The following BBS9 variants were observed in gnomAD, a reference collection of about 807,000 sequenced individuals.
BBS9 encodes protein PTHB1.
BBS9 carries 89 observed loss-of-function variants against 117.7 expected under a neutral mutation model. The ratio of observed to expected loss-of-function variants is 0.76; its 90% CI spans 0.64 to 0.90. The LOEUF (loss-of-function observed/expected upper bound fraction) is 0.90, where lower values mean the gene tolerates loss of function less well. Among genes scored for constraint, BBS9 ranks in the 40% least tolerant of loss-of-function variants. The pLI is 0.00. For synonymous variants in BBS9, 379 were observed against 370.9 expected (o/e 1.02, Z -0.25); for missense variants, 982 against 1,042.2 (o/e 0.94, Z 0.80).
intron 21 of BBS9, among the ~76,000 whole-genome samples, chr7:33,553,675 A>G (rs1181125083): frequency 6.6e-6 from 1 of 152,190 alleles, no homozygotes; most frequent in Non-Finnish European, 1.5e-5. Context: ...AGAGAACAGT[A>G]TTAGGAGCAT....
chr7:33,353,274 A>G (rs1819008378), intron 15 of BBS9, among the ~76,000 whole-genome samples: 2 of 152,172 alleles, frequency 1.3e-5, no homozygotes, highest in African/African-American at 4.8e-5. Flanking sequence ...ACATCCTCCA[A>G]GAGATTCACC....
chr7:33,242,645 T>G (rs1304023959), intron 5 of BBS9, among the ~76,000 whole-genome samples: 1 of 152,156 alleles, frequency 6.6e-6, no homozygotes, highest in Admixed American at 6.5e-5. Context: ...ATTCTCCTCC[T>G]CTACTTGTCC....
intron 1 of BBS9, among the ~76,000 whole-genome samples, chr7:33,133,522 T>C (rs897700040): frequency 2.0e-5 from 3 of 152,224 alleles, no homozygotes; most frequent in Non-Finnish European, 1.5e-5. Context: ...ATAGGTGGCC[T>C]TTTGTTACTG....
chr7:33,214,388 C>G (rs1450085956), intron 5 of BBS9, among the ~76,000 whole-genome samples: 1 of 152,208 alleles, frequency 6.6e-6, no homozygotes, highest in Non-Finnish European at 1.5e-5. Context: ...GTCTCCGACC[C>G]TCTTCAGTGA....
Position 33,565,781 on chromosome 7 carries a change from G to GTATATATA in BBS9, c.2521+31644_2521+31651dup, listed in dbSNP as rs70989957. Among the ~76,000 whole-genome samples the GTATATATA allele has an allele frequency of 8.1e-4, 53 of 65,648 alleles. 1 individual carries two copies. Among genetic ancestry groups the GTATATATA allele is most frequent in the Non-Finnish European group, 1.2e-3 (37 of 31,764 alleles). 43.1% of individuals were successfully genotyped at this position (65,648 alleles called of 152,430 possible). A position where few individuals can be genotyped will look rare whatever the true frequency, so the allele number is the denominator to read the frequency against. On this transcript the variant is annotated intron_variant, in intron 21 of 22. Transcript: ENST00000242067. The stretch of plus-strand genomic sequence containing the variant: ...ATACAAAACATTAAGGCTATCAGTA[G>GTATATATA]TATATATATATATATATATATATAT...
rs369376583 is a variant in BBS9, at chr7:33,474,428, C to T, written c.2116-31035C>T. On this transcript the variant is annotated intron_variant, in intron 19 of 22. Transcript: ENST00000242067. The stretch of plus-strand genomic sequence containing the variant: ...TAACTTTAATTTTTTTCTTATTACT[C>T]AAGTAATACAGCTTCACTATGGGAA... Among the ~76,000 whole-genome samples, 3 of 152,262 alleles carry T rather than the reference C, an allele frequency of 2.0e-5. No individual in the cohort carries two copies. The East Asian group carries it at 5.8e-4, about 29-fold the overall frequency.
At chr7:33,599,690 C>T (rs760450176) in intron 21 of BBS9, among the ~76,000 whole-genome samples, 2 of 152,100 alleles carry the variant, frequency 1.3e-5, no homozygotes, top group Non-Finnish European at 2.9e-5. Context: ...ATTATATATG[C>T]TTCATATTTT....
At chr7:33,539,381 T>C (rs1017482298) in intron 21 of BBS9, among the ~76,000 whole-genome samples, 7 of 152,222 alleles carry the variant, frequency 4.6e-5, no homozygotes, top group Non-Finnish European at 1.5e-5. Context: ...ATGCACAGGA[T>C]TGTGCACCTG....
chr7:33,548,504 C>A (rs1463093266), intron 21 of BBS9, among the ~76,000 whole-genome samples: 2 of 126,486 alleles, frequency 1.6e-5, no homozygotes, highest in South Asian at 3.2e-4. Flanking sequence ...CCCCTCCCCC[C>A]ACCCCACCAC....
chr7:33,165,837 C>G (rs1365271231), intron 4 of BBS9, among the ~76,000 whole-genome samples: 2 of 152,188 alleles, frequency 1.3e-5, no homozygotes, highest in African/African-American at 4.8e-5. Context: ...CTACTTCTGT[C>G]AGCTCGTCAA....
chr7:33,545,275 C>G lies in BBS9; in HGVS notation c.2521+11099C>G, dbSNP rs1223332369. ...AAAGTTCAGCTAGAGAATTCCTTCT[C>G]CCTGTGGAGTTTTACCCCCTGTTCC... On this transcript the variant is annotated intron_variant, in intron 21 of 22. Coordinates refer to ENST00000242067, the MANE Select transcript of BBS9 (RefSeq NM_198428.3). 2.0e-5 allele frequency among the ~76,000 whole-genome samples: 3 copies of G among 152,156 alleles called. No individual in the cohort carries two copies. In the East Asian group the frequency reaches 5.8e-4, roughly 29 times the overall value.
At chr7:33,165,381 G>C (rs748037756) in intron 4 of BBS9, among the ~76,000 whole-genome samples, 5 of 152,116 alleles carry the variant, frequency 3.3e-5, no homozygotes, top group Admixed American at 6.5e-5. Context: ...GGCCTGCCTT[G>C]CTAGGTTGGG....
chr7:33,557,149 A>G (rs1364514350), intron 21 of BBS9, among the ~76,000 whole-genome samples: 4 of 152,192 alleles, frequency 2.6e-5, no homozygotes, highest in Non-Finnish European at 4.4e-5. Flanking sequence ...TGAAGAATTT[A>G]TTAGTTCTCC....
At chr7:33,254,689 AC>A (rs761478101) in intron 5 of BBS9, among the ~76,000 whole-genome samples, 3 of 152,082 alleles carry the variant, frequency 2.0e-5, no homozygotes, top group Non-Finnish European at 2.9e-5. Flanking sequence ...CCTGGTAAGC[AC>A]CCTGCTACTC....
intron 5 of BBS9, among the ~76,000 whole-genome samples, chr7:33,227,458 A>T (rs1467649225): frequency 6.6e-6 from 1 of 152,024 alleles, no homozygotes; most frequent in Non-Finnish European, 1.5e-5. Context: ...AATCTTTTTT[A>T]AAAAATTAAA....
intron 19 of BBS9, among the ~76,000 whole-genome samples, chr7:33,475,685 C>T (rs559374516): frequency 6.6e-6 from 1 of 152,142 alleles, no homozygotes; most frequent in African/African-American, 2.4e-5. Flanking sequence ...CTCCCTCTCC[C>T]TTAGACATAG....
intron 21 of BBS9, among the ~76,000 whole-genome samples, chr7:33,592,241 G>A (rs185775650): frequency 4.7e-4 from 72 of 152,066 alleles, no homozygotes; most frequent in Non-Finnish European, 5.6e-4. Flanking sequence ...ACATTTACTG[G>A]GAGTCTTTCT....
chr7:33,267,478 TTA>T (rs1301874548), intron 7 of BBS9, among the ~76,000 whole-genome samples: 6 of 151,392 alleles, frequency 4.0e-5, no homozygotes, highest in Admixed American at 1.3e-4. Flanking sequence ...AGTTTTTTTT[TTA>T]AATTCTATTT....
intron 19 of BBS9, among the ~76,000 whole-genome samples, chr7:33,501,923 T>TG (rs1845505294): frequency 6.6e-6 from 1 of 152,074 alleles, no homozygotes; most frequent in Admixed American, 6.6e-5. Flanking sequence ...CTATTCTTTT[T>TG]TTTTTTGAGA....
Sources: gnomAD v4.1 joint callset for allele counts (sites outside exome capture counted in the v4.1 genomes callset) on GRCh38, gnomAD v4.1.1 for gene constraint, MANE v1.5 for transcripts, NCBI Gene and HGNC (gene_info 2026-07-23, HGNC 2026-07-21) for gene names.